The following ASTN1 variants were observed in gnomAD, a reference collection of about 807,000 sequenced individuals.
ASTN1 encodes the protein astrotactin-1.
A neutral mutation model predicts 140.7 loss-of-function variants in ASTN1; 41 were observed. The ratio of observed to expected loss-of-function variants is 0.29; its 90% CI spans 0.23 to 0.38. The LOEUF (loss-of-function observed/expected upper bound fraction) is 0.38. Among genes scored for constraint, ASTN1 ranks in the 10% least tolerant of loss-of-function variants. ASTN1 has a pLI of 1.00. For missense variants in ASTN1, 1,479 were observed against 1,678.8 expected, an observed-to-expected ratio of 0.88 and a Z score of 2.08; for synonymous variants, 640 against 652.2, an observed-to-expected ratio of 0.98 and a Z score of 0.29.
chr1:177,046,029 G>A (rs80164801), intron 2 of ASTN1, among the ~76,000 whole-genome samples: 55 of 152,336 alleles, frequency 3.6e-4, no homozygotes, highest in African/African-American at 1.3e-3. Flanking sequence ...GGATGGAGAA[G>A]TTCTTCTTAA....
chr1:176,943,698 T>C (rs1671834573), intron 14 of ASTN1, among the ~76,000 whole-genome samples, 193 bp downstream of exon 14: 1 of 152,164 alleles, frequency 6.6e-6, no homozygotes, highest in Non-Finnish European at 1.5e-5. Context: ...TTGAAGGAGA[T>C]TATATGATAA....
At chr1:176,890,702 T>C (rs1038566743) in intron 17 of ASTN1, among the ~76,000 whole-genome samples, 1 of 152,228 alleles carries the variant, frequency 6.6e-6, no homozygotes, top group African/African-American at 2.4e-5. Context: ...GCTGTCACTT[T>C]CCATCTTCAA....
At chr1:177,136,896 G>A (rs938879844) in intron 1 of ASTN1, among the ~76,000 whole-genome samples, 2 of 152,154 alleles carry the variant, frequency 1.3e-5, no homozygotes, top group Non-Finnish European at 2.9e-5. Flanking sequence ...AATTTTCCAA[G>A]GGTTTCCCAA....
chr1:176,934,888 G>A (rs1345530280), intron 15 of ASTN1, among the ~76,000 whole-genome samples: 1 of 152,114 alleles, frequency 6.6e-6, no homozygotes, highest in Non-Finnish European at 1.5e-5. Flanking sequence ...GCCTTCAGAC[G>A]TAGACATGGG....
chr1:177,022,945 A>T (rs1262557430), intron 7 of ASTN1, among the ~76,000 whole-genome samples: 2 of 152,232 alleles, frequency 1.3e-5, no homozygotes, highest in Non-Finnish European at 2.9e-5. Context: ...CTTAAAAATC[A>T]TGCATAGTAA....
chr1:177,047,028 A>G (rs1677265722), intron 2 of ASTN1, among the ~76,000 whole-genome samples: 1 of 152,198 alleles, frequency 6.6e-6, no homozygotes, highest in Non-Finnish European at 1.5e-5. Flanking sequence ...AGTCCCTTTA[A>G]GCCTTTTAGC....
In ASTN1 at chr1:176,946,124, G is replaced by A. The variant is rs777401576; in HGVS notation, c.2055-4C>T. ...AAGCTTGTAGTCCTCGATGCACCTAGCACAGAGGAGAGCTCAATATAAGAA... is the reference window on the plus strand; with the variant it reads ...AAGCTTGTAGTCCTCGATGCACCTAACACAGAGGAGAGCTCAATATAAGAA... On this transcript the variant is annotated splice_region_variant and splice_polypyrimidine_tract_variant and intron_variant, in intron 12 of 22. Coordinates refer to ENST00000361833, the MANE Select transcript of ASTN1 (RefSeq NM_004319.3). 6.3e-7 allele frequency: 1 copy of A among 1,583,994 alleles called. No individual in the cohort carries two copies. Among genetic ancestry groups the A allele is most frequent in the Non-Finnish European group, 8.6e-7 (1 of 1,159,328 alleles).
At chr1:176,978,983 C>G (rs1042494697) in intron 8 of ASTN1, among the ~76,000 whole-genome samples, 13 of 152,136 alleles carry the variant, frequency 8.5e-5, no homozygotes, top group Non-Finnish European at 4.4e-5. Flanking sequence ...AAGCTCTGTA[C>G]TCTGGGGATA....
chr1:177,044,159 A>G (rs1677101326), intron 2 of ASTN1, among the ~76,000 whole-genome samples: 1 of 146,270 alleles, frequency 6.8e-6, no homozygotes. Flanking sequence ...ATTAATTTTA[A>G]GAAATGAAAA....
intron 8 of ASTN1, among the ~76,000 whole-genome samples, chr1:176,996,565 C>G (rs577373704): frequency 8.5e-5 from 13 of 152,126 alleles, no homozygotes; most frequent in Admixed American, 2.6e-4. Context: ...TTTGCGATAG[C>G]ATCACCAGCC....
chr1:176,961,784 T>C lies in ASTN1; in HGVS notation c.1599-3302A>G, dbSNP rs144929880. On this transcript the variant is annotated intron_variant, in intron 9 of 22. Transcript: ENST00000361833. ...TCATCTGTCCCTCATTCATGCAGATTTGGCAGGAACAACTTCAAAAAGCTA... is the reference window on the plus strand; with the variant it reads ...TCATCTGTCCCTCATTCATGCAGATCTGGCAGGAACAACTTCAAAAAGCTA... Among the ~76,000 whole-genome samples, 289 of 152,254 alleles carry C rather than the reference T, an allele frequency of 1.9e-3. 1 individual carries two copies. The highest frequency in any genetic ancestry group is 6.5e-3 in the African/African-American group (272 of 41,558).
chr1:176,878,758 C>A (rs1318893532), intron 20 of ASTN1, among the ~76,000 whole-genome samples: 2 of 152,122 alleles, frequency 1.3e-5, no homozygotes, highest in Non-Finnish European at 2.9e-5. Flanking sequence ...TACCACTCTG[C>A]AGATTTCAGA....
chr1:176,929,844 T>C (rs1335209757), intron 16 of ASTN1, among the ~76,000 whole-genome samples: 1 of 152,044 alleles, frequency 6.6e-6, no homozygotes, highest in Non-Finnish European at 1.5e-5. Flanking sequence ...CCATCTCTAC[T>C]AAAAATACAA....
chr1:176,914,425 C>T (rs1284334893), intron 16 of ASTN1, among the ~76,000 whole-genome samples: 1 of 152,138 alleles, frequency 6.6e-6, no homozygotes, highest in East Asian at 1.9e-4. Context: ...ACAATAAGGT[C>T]AAAGAAACAG....
At chr1:177,051,749 A>G (rs1398634521) in intron 2 of ASTN1, among the ~76,000 whole-genome samples, 1 of 152,178 alleles carries the variant, frequency 6.6e-6, no homozygotes, top group Non-Finnish European at 1.5e-5. Context: ...AGGTAATGGC[A>G]TCAGGACTCA....
intron 8 of ASTN1, among the ~76,000 whole-genome samples, chr1:177,000,044 C>G (rs547813746): frequency 1.2e-3 from 187 of 152,250 alleles, no homozygotes; most frequent in African/African-American, 4.3e-3. Flanking sequence ...GAAGGGATAG[C>G]TAATACATGG....
intron 14 of ASTN1, among the ~76,000 whole-genome samples, chr1:176,936,889 T>G (rs1402654534): frequency 1.3e-5 from 2 of 152,256 alleles, no homozygotes; most frequent in Non-Finnish European, 1.5e-5. Context: ...GCAACTCATT[T>G]GTTCGCATTT....
chr1:176,868,428 A>T (rs1355411351), intron 22 of ASTN1, among the ~76,000 whole-genome samples: 1 of 152,218 alleles, frequency 6.6e-6, no homozygotes, highest in East Asian at 1.9e-4. Context: ...GTGGAATTTA[A>T]TTCAAAATAA....
intron 1 of ASTN1, among the ~76,000 whole-genome samples, chr1:177,110,766 C>T (rs544900230): frequency 1.3e-5 from 2 of 152,152 alleles, no homozygotes; most frequent in South Asian, 2.1e-4. Context: ...GAGCCACAGT[C>T]GGGACTCAAG....
Sources: allele counts gnomAD v4.1 joint callset (sites outside exome capture counted in the v4.1 genomes callset), GRCh38; gene constraint gnomAD v4.1.1; transcripts MANE v1.5; gene names NCBI Gene and HGNC (gene_info 2026-07-23, HGNC 2026-07-21).